DPP6: variants seen among roughly 807,000 people sequenced by gnomAD.
DPP6 encodes the protein A-type potassium channel modulatory protein DPP6.
Under a neutral mutation model 122.6 loss-of-function variants are expected in DPP6, and 69 were observed. That is an observed-to-expected ratio of 0.56 (90% CI 0.46 to 0.69). The LOEUF is 0.69. Ranked by LOEUF, DPP6 falls within the 30% of genes least tolerant of loss-of-function variation. The pLI, the probability that DPP6 is intolerant of heterozygous loss-of-function variation, is 0.00. For missense variants in DPP6, 928 were observed against 1,116.9 expected (o/e 0.83, Z 2.41); for synonymous variants, 418 against 433.1 (o/e 0.97, Z 0.43).
chr7:154,236,067 G>T (rs192732436), intron 1 of DPP6, among the ~76,000 whole-genome samples: 2 of 152,184 alleles, frequency 1.3e-5, no homozygotes, highest in Admixed American at 1.3e-4. Context: ...TGGCCAGGCT[G>T]GTCTGGAATT....
chr7:154,391,828 A>G (rs368960491), intron 1 of DPP6, among the ~76,000 whole-genome samples: 1 of 152,126 alleles, frequency 6.6e-6, no homozygotes, highest in African/African-American at 2.4e-5. Context: ...CCTCTAGCAC[A>G]AGGTTGCTTT....
chr7:154,058,551 C>A lies in DPP6; in HGVS notation c.243+5488C>A, dbSNP rs1262043756. ...GTTCCCCCACTGGCTCTTAGGACCC[C>A]CATCGCAGAGGGGGGACGCACCCCC... On this transcript the variant is annotated intron_variant, in intron 1 of 25. Coordinates refer to ENST00000377770, the MANE Select transcript of DPP6 (RefSeq NM_130797.4). The A allele has an allele frequency of 2.0e-5, 3 of 148,734 alleles. 1 individual carries two copies. Among genetic ancestry groups the A allele is most frequent in the African/African-American group, 7.5e-5 (3 of 40,154 alleles). The allele number at this position is 148,734 out of a possible 1,614,324, so 9.2% of individuals were successfully genotyped here. A position where few individuals can be genotyped will look rare whatever the true frequency, so the allele number is the denominator to read the frequency against.
chr7:154,724,427 G>T (rs1841965907), intron 7 of DPP6, among the ~76,000 whole-genome samples: 1 of 152,152 alleles, frequency 6.6e-6, no homozygotes, highest in Non-Finnish European at 1.5e-5. Context: ...TAGTCTCAAT[G>T]GCTGATCCTT....
In DPP6 at chr7:154,797,874, T is replaced by C. The variant is rs149051709; in HGVS notation, c.1299+1991T>C. ...AGATGGTACATCCTAGACAGGGAGA[T>C]GAGATGTTCACGTTACATCCATTGT... On this transcript the variant is annotated intron_variant, in intron 12 of 25. Transcript: ENST00000377770. 1.0e-3 allele frequency among the ~76,000 whole-genome samples: 159 copies of C among 152,328 alleles called. 2 individuals carry two copies. The East Asian group carries it at 0.028, about 27-fold the overall frequency.
chr7:154,597,430 C>T (rs547355051), intron 5 of DPP6, among the ~76,000 whole-genome samples: 3 of 151,924 alleles, frequency 2.0e-5, no homozygotes, highest in East Asian at 1.9e-4. Flanking sequence ...AGTGAAACCC[C>T]GTCTCTACTA....
Position 154,060,355 on chromosome 7 carries a change from G to A in DPP6, c.243+7292G>A, listed in dbSNP as rs948999941. Reference sequence around the variant, plus strand: ...GGGGGAGGCACCCCCCGCGAGGCAGGGACTGAGAGCCAGCCCCTGGTTCCC... The same window carrying A: ...GGGGGAGGCACCCCCCGCGAGGCAGAGACTGAGAGCCAGCCCCTGGTTCCC... On this transcript the variant is annotated intron_variant, in intron 1 of 25. Transcript: ENST00000377770. Among the ~76,000 whole-genome samples the A allele has an allele frequency of 7.2e-4, 90 of 125,052 alleles. 4 individuals are homozygous for A. Among genetic ancestry groups the A allele is most frequent in the South Asian group, 1.1e-3 (4 of 3,798 alleles). 82.0% of individuals were successfully genotyped at this position (125,052 alleles called of 152,430 possible).
chr7:153,765,962 G>T, the DPP6 span, among the ~76,000 whole-genome samples: 3 of 152,154 alleles, frequency 2.0e-5, no homozygotes, highest in Non-Finnish European at 4.4e-5. Context: ...GATTGAGTAG[G>T]TCTAGGGTGG....
chr7:154,788,723 G>A (rs1031124409), intron 10 of DPP6, among the ~76,000 whole-genome samples: 1 of 151,948 alleles, frequency 6.6e-6, no homozygotes, highest in Non-Finnish European at 1.5e-5. Context: ...CTTCACATTC[G>A]GGTCTTTTTT....
chr7:153,809,080 A>C, the DPP6 span, among the ~76,000 whole-genome samples: 1 of 152,014 alleles, frequency 6.6e-6, no homozygotes, highest in Non-Finnish European at 1.5e-5. Context: ...ATCTTTTAAT[A>C]ATAAACATCC....
At chr7:153,888,805 G>T (rs905046405) in intron 1 of DPP6, among the ~76,000 whole-genome samples, 1 of 148,200 alleles carries the variant, frequency 6.7e-6, no homozygotes, top group Non-Finnish European at 1.5e-5. Flanking sequence ...TACTTTTGAG[G>T]GTTCCGTAAG....
At chr7:154,864,092 C>T (rs1274270036) in intron 17 of DPP6, among the ~76,000 whole-genome samples, 6 of 152,198 alleles carry the variant, frequency 3.9e-5, no homozygotes. Context: ...CAGGGGAAGT[C>T]AGGCCAAGGC....
intron 3 of DPP6, among the ~76,000 whole-genome samples, chr7:154,533,053 C>G (rs1827969830): frequency 6.6e-6 from 1 of 152,182 alleles, no homozygotes; most frequent in Non-Finnish European, 1.5e-5. Flanking sequence ...TTGCTAAGTT[C>G]CCCATTTATT....
rs368785865 is a variant in DPP6 at position 154,427,591 on chromosome 7, A to T, written c.244-18623A>T. On this transcript the variant is annotated intron_variant, in intron 1 of 25. Coordinates refer to ENST00000377770, the MANE Select transcript of DPP6 (RefSeq NM_130797.4). The stretch of plus-strand genomic sequence containing the variant: ...TTAAATATTTGCACTTGGTATTTAG[A>T]CATTGATTTTCACCAATAACTGAAT... Among the ~76,000 whole-genome samples the T allele has an allele frequency of 7.2e-5, 11 of 152,228 alleles. No individual in the cohort carries two copies. The East Asian group carries it at 9.6e-4, about 13-fold the overall frequency.
At chr7:153,805,811 TTGGACACAGGAAGGGGA>T in the DPP6 span, among the ~76,000 whole-genome samples, 3 of 151,854 alleles carry the variant, frequency 2.0e-5, no homozygotes, top group African/African-American at 7.3e-5. Flanking sequence ...ATGAGAACAC[TTGGACACAGGAAGGGGA>T]ACATCACACA....
chr7:153,963,380 A>G (rs151199190), intron 1 of DPP6, among the ~76,000 whole-genome samples: 2,154 of 148,432 alleles, frequency 0.015, 85 homozygotes, highest in African/African-American at 0.05. Context: ...GCACCAAAGT[A>G]AAAAACCCGA....
At chr7:154,556,853 A>G (rs965049349) in intron 4 of DPP6, among the ~76,000 whole-genome samples, 11 of 152,206 alleles carry the variant, frequency 7.2e-5, no homozygotes, top group Non-Finnish European at 1.0e-4. Context: ...AATTAGCTCA[A>G]TCAAGCCTGA....
chr7:154,346,376 G>T (rs145849011), intron 1 of DPP6, among the ~76,000 whole-genome samples: 1 of 151,752 alleles, frequency 6.6e-6, no homozygotes, highest in South Asian at 2.1e-4. Context: ...GCGCAATCTC[G>T]GCTCACTGCA....
At chr7:154,302,103 A>G (rs1488148736) in intron 1 of DPP6, among the ~76,000 whole-genome samples, 1 of 152,144 alleles carries the variant, frequency 6.6e-6, no homozygotes, top group African/African-American at 2.4e-5. Context: ...CTGTAGGTAC[A>G]AGGTTGTACA....
chr7:153,919,345 G>A (rs898978054), intron 1 of DPP6, among the ~76,000 whole-genome samples: 1 of 152,148 alleles, frequency 6.6e-6, no homozygotes, highest in African/African-American at 2.4e-5. Context: ...TTCATCGTCC[G>A]AATGCCTGGC....
Sources: gnomAD v4.1 joint callset for allele counts (sites outside exome capture counted in the v4.1 genomes callset) on GRCh38, gnomAD v4.1.1 for gene constraint, MANE v1.5 for transcripts, NCBI Gene and HGNC (gene_info 2026-07-23, HGNC 2026-07-21) for gene names.